Variants in CFAP46 observed in about 807,000 individuals in gnomAD.
CFAP46 encodes the protein cilia- and flagella-associated protein 46.
A neutral mutation model predicts 325.7 loss-of-function variants in CFAP46; 245 were observed. That is an observed-to-expected ratio of 0.75 (90% CI 0.68 to 0.84). The LOEUF is 0.84. Among genes scored for constraint, CFAP46 ranks in the 40% least tolerant of loss-of-function variants. The pLI, the probability that CFAP46 is intolerant of heterozygous loss-of-function variation, is 0.00. For synonymous variants in CFAP46, 1,523 were observed against 1,495.9 expected, an observed-to-expected ratio of 1.02 and a Z score of -0.42; for missense variants, 3,346 against 3,543.0, an observed-to-expected ratio of 0.94 and a Z score of 1.41.
chr10:132,899,441 G>A, intron 23 of CFAP46, 94 bp downstream of exon 23: 1 of 1,427,464 alleles, frequency 7.0e-7, no homozygotes. Context: ...GCCCTCCCTT[G>A]GGCCCACAGG....
rs1175991692 is a variant in CFAP46 at position 132,847,340 on chromosome 10, G to T, written c.5953-19C>A. 5 of 1,612,892 alleles carry T rather than the reference G, an allele frequency of 3.1e-6. No homozygotes were observed. Among genetic ancestry groups the T allele is most frequent in the African/African-American group, 2.7e-5 (2 of 74,888 alleles). The stretch of plus-strand genomic sequence containing the variant: ...CGCCCACCTGTGACACACATTGCAG[G>T]TTGGCAGACACTTCTGGGTTCCTGC... On this transcript the variant is annotated intron_variant, in intron 41 of 57. Coordinates refer to ENST00000368586, the MANE Select transcript of CFAP46 (RefSeq NM_001200049.3). This position sits in a 1 kb window ranked among gnomAD's most constrained non-coding sequence, Gnocchi z 5.2.
chr10:132,887,499 A>G (rs1489972552), intron 25 of CFAP46, among the ~76,000 whole-genome samples: 7 of 30,472 alleles, frequency 2.3e-4, no homozygotes, highest in Admixed American at 4.7e-4. Flanking sequence ...CCTCTCGCCT[A>G]TTTCCTCTCC....
intron 16 of CFAP46, among the ~76,000 whole-genome samples, chr10:132,917,298 C>A (rs1849655301): frequency 6.6e-6 from 1 of 152,252 alleles, no homozygotes; most frequent in Admixed American, 6.5e-5. Context: ...AGAAACCTAA[C>A]CGAGAGTGGC....
At chr10:132,861,656 T>C (rs145054332) in intron 35 of CFAP46, among the ~76,000 whole-genome samples, 2,325 of 152,122 alleles carry the variant, frequency 0.015, 62 homozygotes, top group African/African-American at 0.05. Context: ...AACAGAGAGG[T>C]GCTGGTCAGA....
chr10:132,834,596 AC>A (rs1848206243), intron 48 of CFAP46, 57 bp downstream of exon 48: 1 of 1,597,030 alleles, frequency 6.3e-7, no homozygotes, highest in Non-Finnish European at 8.5e-7. Flanking sequence ...ACAGCACTGG[AC>A]ACACGTGTCC....
intron 21 of CFAP46, 145 bp downstream of exon 21, chr10:132,908,992 G>C (rs997222742): frequency 1.6e-6 from 1 of 636,608 alleles, no homozygotes; most frequent in Non-Finnish European, 2.7e-6. Context: ...TCGAGGGGGC[G>C]CAGCTCCGTT....
In CFAP46 at chr10:132,834,727, G is replaced by A. The variant is rs150554348; in HGVS notation, c.6793C>T (p.Leu2265Phe). The A allele has an allele frequency of 7.2e-4, 1,168 of 1,613,170 alleles. No individual in the cohort carries two copies. The highest frequency in any genetic ancestry group is 8.5e-4 in the Non-Finnish European group (1,005 of 1,179,868). The change falls in exon 48 of 58, where the codon CTC becomes TTC. Residue 2265 changes from leucine (L) to phenylalanine (F), a missense_variant. Transcript: ENST00000368586. ...TCCAGGGGCCCCAGGACGCTACTGA[G>A]CCTCTGCACAGGGCGCTCCTTCTCT... ...VEEKERPVQR[L>F]SSVLGPLEEL...
chr10:132,938,471 A>G (rs1219040902), intron 5 of CFAP46, 118 bp downstream of exon 5: 6 of 992,786 alleles, frequency 6.0e-6, no homozygotes, highest in African/African-American at 4.9e-5. Flanking sequence ...GAGAACGCAC[A>G]TGGAGTGTGC....
At chr10:132,865,375 C>A (rs527653319) in intron 35 of CFAP46, among the ~76,000 whole-genome samples, 22 of 152,158 alleles carry the variant, frequency 1.4e-4, no homozygotes, top group African/African-American at 5.1e-4. Context: ...GCTTGCAGGG[C>A]CAGTCCCAGG....
chr10:132,898,020 TG>T (rs1316910832), intron 24 of CFAP46, among the ~76,000 whole-genome samples: 3 of 152,298 alleles, frequency 2.0e-5, no homozygotes, highest in African/African-American at 7.2e-5. Context: ...ACTGGAGCTT[TG>T]GGTTATGCAG....
At chr10:132,937,189 A>C in intron 6 of CFAP46, 134 bp from the exon 7 acceptor site, 1 of 524,528 alleles carries the variant, frequency 1.9e-6, no homozygotes, top group Non-Finnish European at 3.2e-6. Context: ...GATTCCCCAT[A>C]TGTCAAAATG....
At chr10:132,924,451 G>A (rs1849776027) in intron 11 of CFAP46, among the ~76,000 whole-genome samples, 1 of 152,188 alleles carries the variant, frequency 6.6e-6, no homozygotes, top group Non-Finnish European at 1.5e-5. Flanking sequence ...ATGGAGGCTC[G>A]AGGGACACAG....
intron 50 of CFAP46, among the ~76,000 whole-genome samples, chr10:132,823,656 GCT>G (rs1256119554): frequency 1.6e-5 from 2 of 123,124 alleles, no homozygotes; most frequent in Admixed American, 1.6e-4. Context: ...TGCTGTGTGT[GCT>G]GTGTGCGCTG....
rs540293847 is a variant in CFAP46, at chr10:132,919,582, G to A, written c.1731-140C>T. The A allele has an allele frequency of 3.0e-5, 34 of 1,134,400 alleles. No homozygotes were observed. Among genetic ancestry groups the A allele is most frequent in the African/African-American group, 7.8e-5 (5 of 63,882 alleles). The allele number at this position is 1,134,400 out of a possible 1,614,324, so 70.3% of individuals were successfully genotyped here. A position where few individuals can be genotyped will look rare whatever the true frequency, so the allele number is the denominator to read the frequency against. ...AGGTGGCAAGGAGCCCGGCACTCGC[G>A]CTGGGTACGGCCTGGCGGGTGCATG... On this transcript the variant is annotated intron_variant, in intron 14 of 57. Coordinates refer to ENST00000368586, the MANE Select transcript of CFAP46 (RefSeq NM_001200049.3). The surrounding 1 kb of genome is among the most constrained non-coding windows in gnomAD (Gnocchi z 9.7).
At chr10:132,822,613 TGTTGTGTGA>T in intron 50 of CFAP46, among the ~76,000 whole-genome samples, 6 of 140,430 alleles carry the variant, frequency 4.3e-5, no homozygotes, top group Non-Finnish European at 9.1e-5. Context: ...GTGTGCTGTG[TGTTGTGTGA>T]GTGCTGATGT....
chr10:132,846,158 G>A lies in CFAP46; in HGVS notation c.6337C>T (p.Leu2113=), dbSNP rs369605141. Residue 2113 remains leucine (L), a synonymous_variant, in exon 44 of 58, where the codon CTG becomes TTG. Transcript: ENST00000368586. The part of the protein sequence containing the change: ...AATANTSSSQ[L]AALLQLQHQL... ...TGCTGTAGCTGCAGCAGGGCCGCCAGCTGTGAGCTGCTGGTGTTGGCTGTG... is the reference window on the plus strand; with the variant it reads ...TGCTGTAGCTGCAGCAGGGCCGCCAACTGTGAGCTGCTGGTGTTGGCTGTG... 1.2e-6 allele frequency: 2 copies of A among 1,611,522 alleles called. No individual in the cohort carries two copies. Among genetic ancestry groups the A allele is most frequent in the African/African-American group, 2.7e-5 (2 of 74,888 alleles).
rs1850063167 is a variant in CFAP46, at chr10:132,939,369, G to A, written c.372-616C>T. 1.3e-5 allele frequency among the ~76,000 whole-genome samples: 2 copies of A among 152,188 alleles called. No homozygotes were observed. Among genetic ancestry groups the A allele is most frequent in the African/African-American group, 4.8e-5 (2 of 41,454 alleles). On this transcript the variant is annotated intron_variant, in intron 4 of 57. Coordinates refer to ENST00000368586, the MANE Select transcript of CFAP46 (RefSeq NM_001200049.3). The surrounding 1 kb of genome is among the most constrained non-coding windows in gnomAD (Gnocchi z 4.6). ...GAGCAGAGACCCCTCTCAGGGGTCT[G>A]GGCCTCTCCCTGGGCAGCAGGGAGC...
intron 40 of CFAP46, 137 bp downstream of exon 40, chr10:132,850,980 T>C (rs1848531338): frequency 6.2e-6 from 6 of 961,676 alleles, no homozygotes; most frequent in Admixed American, 5.1e-5. Flanking sequence ...GAGCTCCCCC[T>C]GCTGCAAGAG....
At chr10:132,811,637 A>G (rs1847583721) in intron 55 of CFAP46, among the ~76,000 whole-genome samples, 1 of 152,204 alleles carries the variant, frequency 6.6e-6, no homozygotes, top group Non-Finnish European at 1.5e-5. Flanking sequence ...TCCCGCAGAC[A>G]GGCTGTCCAG....
Sources: allele counts gnomAD v4.1 joint callset (sites outside exome capture counted in the v4.1 genomes callset), GRCh38; gene constraint gnomAD v4.1.1; non-coding constraint Gnocchi (gnomAD v3.1); transcripts MANE v1.5; gene names NCBI Gene and HGNC (gene_info 2026-07-23, HGNC 2026-07-21).